SUGCT: variants seen among roughly 807,000 people sequenced by gnomAD.
SUGCT encodes the protein succinyl-CoA:glutarate-CoA transferase.
SUGCT carries 41 observed loss-of-function variants against 55.0 expected under a neutral mutation model. The ratio of observed to expected loss-of-function variants is 0.74; its 90% CI spans 0.58 to 0.97. SUGCT has a LOEUF of 0.97. Among genes scored for constraint, SUGCT ranks in the 50% least tolerant of loss-of-function variants. The probability of loss-of-function intolerance (pLI) is 0.00; values close to 1 mark genes in which losing one functional copy is unlikely to be tolerated. For missense variants in SUGCT, 568 were observed against 547.8 expected (o/e 1.04, Z -0.37); for synonymous variants, 187 against 200.4 (o/e 0.93, Z 0.56).
At chr7:40,487,078 C>CTTTTTTTTTT in intron 11 of SUGCT, among the ~76,000 whole-genome samples, 1 of 93,938 alleles carries the variant, frequency 1.1e-5, no homozygotes, top group Non-Finnish European at 2.0e-5. Flanking sequence ...TGATTTCAAT[C>CTTTTTTTTTT]TTTTTTTTTT....
At chr7:40,869,216 T>G in the SUGCT span, among the ~76,000 whole-genome samples, 1 of 152,184 alleles carries the variant, frequency 6.6e-6, no homozygotes, top group Non-Finnish European at 1.5e-5. Context: ...TTGATCTTAG[T>G]ATAGAGAGAC....
At chr7:40,494,961 G>C (rs138232542) in intron 11 of SUGCT, among the ~76,000 whole-genome samples, 13 of 151,946 alleles carry the variant, frequency 8.6e-5, no homozygotes, top group Non-Finnish European at 1.5e-4. Context: ...TCCAGGCCTG[G>C]AGTGCGATGG....
chr7:40,636,441 A>C (rs1175156478), intron 12 of SUGCT, among the ~76,000 whole-genome samples: 1 of 152,168 alleles, frequency 6.6e-6, no homozygotes. Context: ...TGCTGCTTCT[A>C]CCTCATTCTA....
At chr7:40,949,822 T>C in the SUGCT span, among the ~76,000 whole-genome samples, 2 of 152,216 alleles carry the variant, frequency 1.3e-5, no homozygotes, top group Admixed American at 6.5e-5. Flanking sequence ...ATATCTCTGT[T>C]TTGGTACCAG....
At chr7:40,996,952 G>A in the SUGCT span, among the ~76,000 whole-genome samples, 1 of 152,286 alleles carries the variant, frequency 6.6e-6, no homozygotes, top group Admixed American at 6.5e-5. Flanking sequence ...AATGGGATGA[G>A]TAAAACCCCA....
chr7:40,613,311 G>A lies in SUGCT; in HGVS notation c.1089+116925G>A, dbSNP rs908951410. ...CTGGAGTCGCTAAAAGGGGCACGAA[G>A]TGAAGATGCCCTAATGATCTGCATG... On this transcript the variant is annotated intron_variant, in intron 12 of 13. Transcript: ENST00000335693. Among the ~76,000 whole-genome samples the A allele has an allele frequency of 6.3e-4, 96 of 152,184 alleles. 1 individual carries two copies. Among genetic ancestry groups the A allele is most frequent in the Non-Finnish European group, 2.6e-4 (18 of 68,044 alleles).
intron 9 of SUGCT, among the ~76,000 whole-genome samples, chr7:40,439,007 A>G (rs1486049462): frequency 2.8e-5 from 4 of 142,732 alleles, no homozygotes. Context: ...GTATATATGT[A>G]GAAATTGTGT....
intron 12 of SUGCT, among the ~76,000 whole-genome samples, chr7:40,626,807 A>T (rs1799548377): frequency 6.6e-6 from 1 of 152,128 alleles, no homozygotes; most frequent in Non-Finnish European, 1.5e-5. Flanking sequence ...TAACATGCAC[A>T]ATCATACCTG....
chr7:40,603,546 G>A (rs545405344), intron 12 of SUGCT, among the ~76,000 whole-genome samples: 2 of 152,268 alleles, frequency 1.3e-5, no homozygotes, highest in South Asian at 2.1e-4. Context: ...TTGAAAGTAG[G>A]ATAGTACTGA....
chr7:40,586,587 A>G (rs1199410747), intron 12 of SUGCT, among the ~76,000 whole-genome samples: 1 of 151,742 alleles, frequency 6.6e-6, no homozygotes, highest in East Asian at 1.9e-4. Context: ...GGTGATTGAC[A>G]GTGTTAAATT....
In SUGCT at chr7:40,840,772, T is replaced by TA. The variant is rs928798835; in HGVS notation, c.1154-19536dup. 2.9e-3 allele frequency among the ~76,000 whole-genome samples: 342 copies of TA among 117,446 alleles called. 2 individuals carry two copies. Among genetic ancestry groups the TA allele is most frequent in the African/African-American group, 0.011 (329 of 29,430 alleles). The allele number at this position is 117,446 out of a possible 152,430, so 77.0% of individuals were successfully genotyped here. ...AATCAATGAAACAAAAGCTGGTTCT[T>TA]AAAAAAAAGTTAATAATATTGATAA... On this transcript the variant is annotated intron_variant, in intron 13 of 13. Coordinates refer to ENST00000335693, the MANE Select transcript of SUGCT (RefSeq NM_001193313.2).
At chr7:40,709,171 C>A (rs1231008566) in intron 12 of SUGCT, among the ~76,000 whole-genome samples, 1 of 152,186 alleles carries the variant, frequency 6.6e-6, no homozygotes, top group Non-Finnish European at 1.5e-5. Context: ...TTTAGCAGTG[C>A]AAGAGCACAC....
At chr7:40,630,069 G>T (rs73689833) in intron 12 of SUGCT, among the ~76,000 whole-genome samples, 1 of 152,154 alleles carries the variant, frequency 6.6e-6, no homozygotes. Flanking sequence ...TTATACTAAG[G>T]CATGGAACAC....
intron 13 of SUGCT, among the ~76,000 whole-genome samples, chr7:40,832,741 C>G (rs574571102): frequency 6.6e-6 from 1 of 150,960 alleles, no homozygotes; most frequent in African/African-American, 2.4e-5. Flanking sequence ...GTGGCCCAAT[C>G]TTGGCTCACT....
At chr7:40,846,264 A>G (rs532366056) in intron 13 of SUGCT, among the ~76,000 whole-genome samples, 69 of 152,308 alleles carry the variant, frequency 4.5e-4, no homozygotes, top group African/African-American at 1.6e-3. Context: ...AAGGCAAAGA[A>G]GAGGAAGAAT....
At chr7:40,887,234 G>C in the SUGCT span, among the ~76,000 whole-genome samples, 1 of 152,196 alleles carries the variant, frequency 6.6e-6, no homozygotes, top group Non-Finnish European at 1.5e-5. Flanking sequence ...AAAATGGGAA[G>C]TTACCAAGGG....
At chr7:40,781,270 A>G (rs1269489495) in intron 13 of SUGCT, among the ~76,000 whole-genome samples, 1 of 152,172 alleles carries the variant, frequency 6.6e-6, no homozygotes, top group Admixed American at 6.6e-5. Flanking sequence ...TCCATCTTAC[A>G]TTCCCTTGGA....
At chr7:40,900,712 C>T in the SUGCT span, among the ~76,000 whole-genome samples, 3 of 152,146 alleles carry the variant, frequency 2.0e-5, no homozygotes, top group Non-Finnish European at 2.9e-5. Context: ...GCAAAAACCA[C>T]GAGGCAGCCT....
At chr7:40,686,469 C>G (rs2151893155) in intron 12 of SUGCT, among the ~76,000 whole-genome samples, 1 of 152,248 alleles carries the variant, frequency 6.6e-6, no homozygotes, top group African/African-American at 2.4e-5. Flanking sequence ...TAGAATGGTG[C>G]TTGACACACA....
Sources: allele counts gnomAD v4.1 joint callset (sites outside exome capture counted in the v4.1 genomes callset), GRCh38; gene constraint gnomAD v4.1.1; transcripts MANE v1.5; gene names NCBI Gene and HGNC (gene_info 2026-07-23, HGNC 2026-07-21).